Variants in SHANK2 observed in about 807,000 individuals in gnomAD.
The protein encoded by SHANK2 is SH3 and multiple ankyrin repeat domains protein 2.
In SHANK2, 43 loss-of-function variants were observed where a neutral mutation model predicts 133.7. The observed-to-expected ratio is 0.32, with a 90% CI of 0.25 to 0.41. SHANK2 has a LOEUF of 0.41. SHANK2 is among the 10% of genes least tolerant of loss of function. SHANK2 has a pLI of 1.00. For synonymous variants in SHANK2, 1,017 were observed against 952.8 expected, an observed-to-expected ratio of 1.07 and a Z score of -1.24; for missense variants, 1,994 against 2,235.8, an observed-to-expected ratio of 0.89 and a Z score of 2.18.
intron 6 of SHANK2, 57 bp from the exon 7 acceptor site, chr11:71,094,745 G>A: frequency 6.6e-7 from 1 of 1,512,418 alleles, no homozygotes; most frequent in Non-Finnish European, 8.9e-7. Flanking sequence ...TGCTCACAAA[G>A]CCATATTCAG....
chr11:70,948,372 G>C, intron 10 of SHANK2: 1 of 457,188 alleles, frequency 2.2e-6, no homozygotes, highest in Non-Finnish European at 4.4e-6. Flanking sequence ...AAGACAGCGT[G>C]GCTCTTACGA....
At chr11:70,595,333 G>A (rs549095425) in intron 17 of SHANK2, among the ~76,000 whole-genome samples, 9 of 152,182 alleles carry the variant, frequency 5.9e-5, no homozygotes, top group Admixed American at 1.3e-4. Flanking sequence ...AGCCGAGGCC[G>A]CTGCGTTTGT....
chr11:70,936,606 TG>T (rs1483665627), intron 10 of SHANK2, among the ~76,000 whole-genome samples: 1 of 152,250 alleles, frequency 6.6e-6, no homozygotes, highest in East Asian at 1.9e-4. Context: ...TGTTTGTCTT[TG>T]CTATTTATTT....
intron 16 of SHANK2, among the ~76,000 whole-genome samples, chr11:70,660,854 G>A (rs1270448870): frequency 2.0e-5 from 3 of 152,258 alleles, no homozygotes; most frequent in African/African-American, 7.2e-5. Flanking sequence ...CCCTGGCACA[G>A]CGCGTAAGCT....
At chr11:70,495,989 G>A (rs1347785605) in intron 21 of SHANK2, 2 of 153,490 alleles carry the variant, frequency 1.3e-5, no homozygotes, top group Non-Finnish European at 2.9e-5. Flanking sequence ...CTGACTTCCA[G>A]GCTATGGTAA....
chr11:70,856,143 T>C (rs1565363880), intron 11 of SHANK2, among the ~76,000 whole-genome samples: 1 of 150,818 alleles, frequency 6.6e-6, no homozygotes, highest in Non-Finnish European at 1.5e-5. Flanking sequence ...GATGGATGGG[T>C]GGATGGATGG....
intron 13 of SHANK2, among the ~76,000 whole-genome samples, chr11:70,805,921 T>A (rs1948148598): frequency 6.6e-6 from 1 of 152,226 alleles, no homozygotes; most frequent in Non-Finnish European, 1.5e-5. Context: ...CTCCAGGGAC[T>A]TGTTTGATGC....
chr11:71,197,673 C>T (rs1036531421), intron 2 of SHANK2, among the ~76,000 whole-genome samples: 19 of 152,140 alleles, frequency 1.2e-4, no homozygotes, highest in East Asian at 1.9e-4. Context: ...ATTTTTGAGA[C>T]AGAGTCTCGC....
intron 2 of SHANK2, among the ~76,000 whole-genome samples, chr11:71,172,467 G>A (rs975848961): frequency 6.6e-5 from 10 of 151,660 alleles, no homozygotes; most frequent in Admixed American, 5.3e-4. Flanking sequence ...GCATGGTGGC[G>A]GGCACCTGTT....
chr11:71,113,505 G>A (rs542209839), intron 4 of SHANK2, 141 bp from the exon 5 acceptor site: 3 of 723,732 alleles, frequency 4.1e-6, no homozygotes, highest in South Asian at 1.6e-5. Flanking sequence ...ATAAATGACT[G>A]GTATTTGCAC....
chr11:70,906,946 C>T (rs1950113323), intron 10 of SHANK2, among the ~76,000 whole-genome samples: 1 of 152,206 alleles, frequency 6.6e-6, no homozygotes, highest in African/African-American at 2.4e-5. Context: ...GCGAAAACCC[C>T]ATGCAGGGCC....
intron 15 of SHANK2, among the ~76,000 whole-genome samples, chr11:70,671,318 C>G (rs1232683541): frequency 6.6e-6 from 1 of 152,080 alleles, no homozygotes; most frequent in African/African-American, 2.4e-5. Context: ...GCCTTGGAAG[C>G]TGAGCACCCC....
intron 2 of SHANK2, among the ~76,000 whole-genome samples, chr11:71,184,092 C>T (rs1304090857): frequency 6.6e-6 from 1 of 152,150 alleles, no homozygotes; most frequent in Non-Finnish European, 1.5e-5. Context: ...TTGAGATTAC[C>T]GACTGGGCAG....
chr11:71,119,216 G>A (rs1252576671), intron 3 of SHANK2, among the ~76,000 whole-genome samples, 184 bp from the exon 4 acceptor site: 2 of 152,084 alleles, frequency 1.3e-5, no homozygotes, highest in African/African-American at 4.8e-5. Context: ...ACAGACATTC[G>A]GTAAATATAA....
intron 11 of SHANK2, among the ~76,000 whole-genome samples, chr11:70,833,997 A>G (rs1555059301): frequency 6.6e-6 from 1 of 152,226 alleles, no homozygotes; most frequent in Non-Finnish European, 1.5e-5. Context: ...GCCAGCTTTG[A>G]GCGTCACCTT....
chr11:70,499,591 G>C (rs140277985), intron 21 of SHANK2, among the ~76,000 whole-genome samples: 1 of 152,226 alleles, frequency 6.6e-6, no homozygotes, highest in African/African-American at 2.4e-5. Flanking sequence ...CCGTGAGCTG[G>C]GGTTTGGCCT....
intron 17 of SHANK2, among the ~76,000 whole-genome samples, chr11:70,591,282 G>A (rs937435108): frequency 6.6e-6 from 1 of 151,922 alleles, no homozygotes; most frequent in Non-Finnish European, 1.5e-5. Flanking sequence ...AATCTGGGAG[G>A]CAGAGGTTGC....
chr11:70,939,244 G>A (rs1950612175), intron 10 of SHANK2, among the ~76,000 whole-genome samples: 1 of 152,150 alleles, frequency 6.6e-6, no homozygotes, highest in Admixed American at 6.5e-5. Context: ...GGAGGCCAAG[G>A]CGGGCAGATC....
chr11:70,557,419 C>G (rs963098951), intron 17 of SHANK2, among the ~76,000 whole-genome samples: 1 of 152,142 alleles, frequency 6.6e-6, no homozygotes, highest in South Asian at 2.1e-4. Flanking sequence ...ACATGGAGGG[C>G]GTTCCATATG....
Sources: gnomAD v4.1 joint callset for allele counts (sites outside exome capture counted in the v4.1 genomes callset) on GRCh38, gnomAD v4.1.1 for gene constraint, MANE v1.5 for transcripts, NCBI Gene and HGNC (gene_info 2026-07-23, HGNC 2026-07-21) for gene names.